The following SPTBN4 variants were observed in gnomAD, a reference collection of about 807,000 sequenced individuals.
SPTBN4 encodes the protein spectrin beta chain, non-erythrocytic 4.
SPTBN4 carries 96 observed loss-of-function variants against 277.8 expected under a neutral mutation model. The observed-to-expected ratio is 0.35, with a 90% CI of 0.29 to 0.41. The LOEUF is 0.41. SPTBN4 is among the 10% of genes least tolerant of loss of function. SPTBN4 has a pLI of 1.00. For missense variants in SPTBN4, 3,006 were observed against 3,595.7 expected (o/e 0.84, Z 4.19); for synonymous variants, 1,481 against 1,580.3 (o/e 0.94, Z 1.49).
intron 12 of SPTBN4, among the ~76,000 whole-genome samples, chr19:40,504,608 G>T (rs891619416): frequency 7.2e-5 from 11 of 151,830 alleles, no homozygotes; most frequent in Admixed American, 6.6e-5. Flanking sequence ...GGCGGAGCTT[G>T]CAGGGAGCCG....
At chr19:40,575,236 A>G (rs2081190116) in intron 35 of SPTBN4, among the ~76,000 whole-genome samples, 175 bp from the exon 36 acceptor site, 1 of 152,138 alleles carries the variant, frequency 6.6e-6, no homozygotes, top group Non-Finnish European at 1.5e-5. Context: ...TTAATCCACT[A>G]AAGTGTTTGG....
intron 20 of SPTBN4, chr19:40,534,618 G>A (rs538231007): frequency 2.2e-5 from 10 of 444,930 alleles, no homozygotes; most frequent in Admixed American, 1.1e-4. Flanking sequence ...GGTTTCACAG[G>A]ACCCTGACAC....
In SPTBN4 at chr19:40,538,406, GAGAA is replaced by G. The variant is rs370933099; in HGVS notation, c.4359+4076_4359+4079del. 5.0e-3 allele frequency among the ~76,000 whole-genome samples: 746 copies of G among 149,810 alleles called. 5 individuals carry two copies. The highest frequency in any genetic ancestry group is 0.012 in the African/African-American group (473 of 40,610). On this transcript the variant is annotated intron_variant, in intron 20 of 35. Coordinates refer to ENST00000598249, the MANE Select transcript of SPTBN4 (RefSeq NM_020971.3). ...ACTCTGTCTCAAAAAAAAAAAAAAA[GAGAA>G]AGAAAGAAAGAACGGCAGCCAGACC...
chr19:40,574,030 A>G (rs1185273325), intron 35 of SPTBN4, among the ~76,000 whole-genome samples: 1 of 152,118 alleles, frequency 6.6e-6, no homozygotes, highest in African/African-American at 2.4e-5. Context: ...TGAACCCGGG[A>G]GGTGGAGCTT....
chr19:40,495,016 G>GC (rs1382472520), intron 6 of SPTBN4, 39 bp downstream of exon 6: 4 of 1,591,068 alleles, frequency 2.5e-6, no homozygotes, highest in Admixed American at 1.7e-5. Context: ...CTGCCCTTCA[G>GC]CCCCCCATAT....
At position 40,521,858 on chromosome 19, in the gene SPTBN4, A is replaced by G. The variant is rs140147409; in HGVS notation, c.3655-1579A>G. Among the ~76,000 whole-genome samples, 10 of 152,346 alleles carry G rather than the reference A, an allele frequency of 6.6e-5. No individual in the cohort carries two copies. In the East Asian group the frequency reaches 1.9e-3, roughly 29 times the overall value. ...GAGACAGGATCTTGCTATGCTGCCC[A>G]GGCTGGTCTCCAGCTCCTGGGCTCA... On this transcript the variant is annotated intron_variant, in intron 16 of 35. Transcript: ENST00000598249.
At chr19:40,506,136 G>A in intron 12 of SPTBN4, 100 bp from the exon 13 acceptor site, 8 of 1,452,482 alleles carry the variant, frequency 5.5e-6, no homozygotes, top group Non-Finnish European at 7.4e-6. Context: ...AGAGTCGGGA[G>A]TGATGGTGCA....
chr19:40,570,984 C>G (rs2081151551), intron 33 of SPTBN4: 1 of 486,454 alleles, frequency 2.1e-6, no homozygotes, highest in East Asian at 4.0e-5. Flanking sequence ...GGGTGGGGCT[C>G]AACTTTGATG....
intron 20 of SPTBN4, among the ~76,000 whole-genome samples, chr19:40,545,373 C>T (rs1028542940): frequency 7.2e-5 from 11 of 151,772 alleles, no homozygotes; most frequent in African/African-American, 2.2e-4. Flanking sequence ...GGATTACAGG[C>T]GTGAGCCACT....
chr19:40,523,354 T>A, intron 16 of SPTBN4, 83 bp from the exon 17 acceptor site: 1 of 1,345,940 alleles, frequency 7.4e-7, no homozygotes, highest in Non-Finnish European at 1.0e-6. Flanking sequence ...TTGCGGGGAG[T>A]GGTGGCAAGC....
chr19:40,556,917 G>A, intron 25 of SPTBN4, 106 bp from the exon 26 acceptor site: 1 of 1,405,096 alleles, frequency 7.1e-7, no homozygotes, highest in Non-Finnish European at 9.5e-7. Flanking sequence ...GACAGAGCAA[G>A]ACTCTGTATC....
At chr19:40,484,886 C>T (rs757154812) in intron 2 of SPTBN4, among the ~76,000 whole-genome samples, 9 of 151,894 alleles carry the variant, frequency 5.9e-5, no homozygotes, top group East Asian at 1.9e-4. Context: ...GAGCTGAGAT[C>T]GCGCCACTGC....
intron 18 of SPTBN4, among the ~76,000 whole-genome samples, chr19:40,529,489 G>A (rs2080638081): frequency 6.6e-6 from 1 of 152,198 alleles, no homozygotes; most frequent in Non-Finnish European, 1.5e-5. Context: ...TAAGGGCCGA[G>A]GGCCGTGGGG....
At chr19:40,575,296 C>CT in intron 35 of SPTBN4, 115 bp from the exon 36 acceptor site, 3 of 1,269,534 alleles carry the variant, frequency 2.4e-6, no homozygotes, top group Middle Eastern at 4.3e-4. Flanking sequence ...ATCATCATCC[C>CT]TTTTTAATAG....
At chr19:40,548,814 T>C (rs2080885079) in intron 20 of SPTBN4, among the ~76,000 whole-genome samples, 1 of 152,204 alleles carries the variant, frequency 6.6e-6, no homozygotes, top group African/African-American at 2.4e-5. Flanking sequence ...TCTCTTGGCC[T>C]TGGTTTCCTC....
rs538825597 is a variant in SPTBN4 at position 40,507,166 on chromosome 19, TTAGG to T, written c.1816+785_1816+788del. ...CCGTCTCTACCAAAAATACAAAAAA[TTAGG>T]TAGGCATGGTGGTGCACGCCTGTAG... On this transcript the variant is annotated intron_variant, in intron 13 of 35. Transcript: ENST00000598249. 2.1e-3 allele frequency among the ~76,000 whole-genome samples: 317 copies of T among 151,718 alleles called. 1 individual carries two copies. The highest frequency in any genetic ancestry group is 3.6e-3 in the Non-Finnish European group (247 of 67,918).
At chr19:40,472,520 G>T in intron 1 of SPTBN4, 87 bp from the exon 2 acceptor site, 1 of 1,232,454 alleles carries the variant, frequency 8.1e-7, no homozygotes, top group Non-Finnish European at 1.1e-6. Flanking sequence ...GAGAAATTGA[G>T]GACAAGAGAG....
chr19:40,575,737 GT>G lies in SPTBN4; in HGVS notation c.*169del. The G allele has an allele frequency of 1.2e-6, 1 of 848,898 alleles. No individual in the cohort carries two copies. The highest frequency in any genetic ancestry group is 2.0e-5 in the South Asian group (1 of 50,748). The allele number at this position is 848,898 out of a possible 1,614,324, so 52.6% of individuals were successfully genotyped here. On this transcript the variant is annotated 3_prime_UTR_variant, in exon 36 of 36. Transcript: ENST00000598249. ...GACTTCTCCTGCACCCCAAGAAGTGGTGGGGAGATTGCTGCCCCTATAGCCA... is the reference window on the plus strand; with the variant it reads ...GACTTCTCCTGCACCCCAAGAAGTGGGGGGAGATTGCTGCCCCTATAGCCA...
intron 20 of SPTBN4, 46 bp downstream of exon 20, chr19:40,534,389 G>A (rs750954604): frequency 8.8e-6 from 14 of 1,593,830 alleles, no homozygotes; most frequent in Non-Finnish European, 1.2e-5. Flanking sequence ...GCCACATGGG[G>A]GCCAGGTCAG....
Sources: gnomAD v4.1 joint callset for allele counts (sites outside exome capture counted in the v4.1 genomes callset) on GRCh38, gnomAD v4.1.1 for gene constraint, MANE v1.5 for transcripts, NCBI Gene and HGNC (gene_info 2026-07-23, HGNC 2026-07-21) for gene names.